Variants in PIAS3 observed in about 807,000 individuals in gnomAD.
PIAS3 encodes the protein protein inhibitor of activated STAT 3.
PIAS3 carries 34 observed loss-of-function variants against 67.6 expected under a neutral mutation model. The ratio of observed to expected loss-of-function variants is 0.50; its 90% CI spans 0.38 to 0.67. PIAS3 has a LOEUF of 0.67. Among genes scored for constraint, PIAS3 ranks in the 30% least tolerant of loss-of-function variants. The pLI is 0.00. For synonymous variants in PIAS3, 341 were observed against 313.8 expected (o/e 1.09, Z -0.92); for missense variants, 693 against 791.6 (o/e 0.88, Z 1.49).
chr1:145,856,548 G>C, intron 2 of PIAS3, 41 bp downstream of exon 2: 1 of 1,588,254 alleles, frequency 6.3e-7, no homozygotes. Context: ...TGGGGAACAG[G>C]TAGGGAGTCC....
Position 145,848,739 on chromosome 1 carries a change from G to C in PIAS3, c.*707C>G, listed in dbSNP as rs1215926231. The C allele has an allele frequency of 4.9e-6, 2 of 411,426 alleles. No homozygotes were observed. The highest frequency in any genetic ancestry group is 8.7e-6 in the Non-Finnish European group (2 of 230,116). The allele number at this position is 411,426 out of a possible 1,614,324, so 25.5% of individuals were successfully genotyped here. On this transcript the variant is annotated 3_prime_UTR_variant, in exon 14 of 14. Coordinates refer to ENST00000393045, the MANE Select transcript of PIAS3 (RefSeq NM_006099.3). ...AGCTTAGGGGGGAATAAGAAACACT[G>C]TGAACTTAGATATATAAATAGAGAG...
chr1:145,849,962 G>C (rs1240328777), intron 13 of PIAS3: 1 of 1,423,616 alleles, frequency 7.0e-7, no homozygotes, highest in Non-Finnish European at 9.1e-7. Context: ...GGAATGTCCG[G>C]TTAGAGCAGG....
chr1:145,853,441 G>C (rs587620090), intron 9 of PIAS3, 63 bp downstream of exon 9: 3 of 1,179,364 alleles, frequency 2.5e-6, no homozygotes, highest in East Asian at 5.0e-5. Context: ...AAAAGAAAAA[G>C]AAATAACCAA....
intron 11 of PIAS3, 74 bp from the exon 12 acceptor site, chr1:145,850,660 T>C: frequency 6.3e-7 from 1 of 1,598,324 alleles, no homozygotes; most frequent in Non-Finnish European, 8.5e-7. Context: ...CCAGGTTCCC[T>C]CTCTGTCCCC....
intron 12 of PIAS3, 61 bp downstream of exon 12, chr1:145,850,392 T>A: frequency 1.2e-6 from 2 of 1,611,470 alleles, no homozygotes; most frequent in Non-Finnish European, 8.5e-7. Context: ...GAACAGGGGT[T>A]CTGATGTAGC....
chr1:145,854,614 C>CT, intron 6 of PIAS3, 51 bp from the exon 7 acceptor site: 1 of 1,570,176 alleles, frequency 6.4e-7, no homozygotes, highest in South Asian at 1.1e-5. Context: ...CATACCACCA[C>CT]TGCCCACTTT....
In PIAS3 at chr1:145,850,441, C is replaced by A. The variant is rs1358380691; in HGVS notation, c.1582+12G>T. On this transcript the variant is annotated intron_variant, in intron 12 of 13. Transcript: ENST00000393045. ...TGGCAGTGCAGGGTCCATCTTATGA[C>A]CCATGTCATACCTTGGATGTCGGCT... is the stretch of plus-strand genomic sequence containing the variant. 6.2e-6 allele frequency: 10 copies of A among 1,613,958 alleles called. No homozygotes were observed. The highest frequency in any genetic ancestry group is 8.5e-6 in the Non-Finnish European group (10 of 1,179,984).
rs781784063 is a variant in PIAS3 at position 145,850,761 on chromosome 1, T to G, written c.1448+10A>C. Reference sequence around the variant, plus strand: ...CCGTTTTGCTGTAGACTCAGCCTATTTTCTCATACCCTTTGCTTCCAGGTA... The same window carrying G: ...CCGTTTTGCTGTAGACTCAGCCTATGTTCTCATACCCTTTGCTTCCAGGTA... On this transcript the variant is annotated intron_variant, in intron 11 of 13. Transcript: ENST00000393045. The G allele has an allele frequency of 6.2e-7, 1 of 1,613,900 alleles. No homozygotes were observed.
In PIAS3 at chr1:145,849,529, C is replaced by T. The variant is rs199636985; in HGVS notation, c.1804G>A (p.Ala602Thr). The change falls in exon 14 of 14, where the codon GCC (alanine) becomes ACC (threonine). Residue 602 changes from alanine to threonine, a missense_variant. By Grantham distance (58) the Ala-to-Thr change is moderately conservative. Coordinates refer to ENST00000393045, the MANE Select transcript of PIAS3 (RefSeq NM_006099.3). ...GGTCCTCCATGCCCCTCCCTCAAGG[C>T]CCCCCCAGGGGCCACAATGCTGCTG... is the stretch of plus-strand genomic sequence containing the variant. ...RVSSIVAPGG[A>T]LREGHGGPLP... is the part of the protein sequence containing the mutation. The T allele has an allele frequency of 2.5e-6, 4 of 1,578,556 alleles. No individual in the cohort carries two copies. The highest frequency in any genetic ancestry group is 2.3e-5 in the East Asian group (1 of 43,690).
chr1:145,850,002 G>A, intron 13 of PIAS3: 3 of 1,436,582 alleles, frequency 2.1e-6, no homozygotes, highest in Non-Finnish European at 2.7e-6. Flanking sequence ...ACGGGGGTAG[G>A]GGTGAGTAGG....
rs1188175262 is a variant in PIAS3, at chr1:145,854,943, C to G, written c.670-63G>C. On this transcript the variant is annotated intron_variant, in intron 5 of 13. Coordinates refer to ENST00000393045, the MANE Select transcript of PIAS3 (RefSeq NM_006099.3). Reference sequence around the variant, plus strand: ...CTGGGAAGGGGCTCTGCTCTTTGAACAAAAGATATCTTGTCTCGGGTTATT... The same window carrying G: ...CTGGGAAGGGGCTCTGCTCTTTGAAGAAAAGATATCTTGTCTCGGGTTATT... 2.5e-6 allele frequency: 4 copies of G among 1,579,728 alleles called. No individual in the cohort carries two copies. In the African/African-American group the frequency reaches 5.4e-5, roughly 21 times the overall value.
chr1:145,857,155 T>C (rs1653224857), intron 1 of PIAS3, 149 bp from the exon 2 acceptor site: 1 of 710,880 alleles, frequency 1.4e-6, no homozygotes. Context: ...TACTGCCAGG[T>C]AGTCGACCTA....
intron 9 of PIAS3, 53 bp downstream of exon 9, chr1:145,853,451 A>T: frequency 7.6e-7 from 1 of 1,311,024 alleles, no homozygotes; most frequent in Non-Finnish European, 1.1e-6. Flanking sequence ...GAAATAACCA[A>T]GAAAAGAGGT....
chr1:145,853,714 C>A, intron 8 of PIAS3, 50 bp from the exon 9 acceptor site: 2 of 1,609,750 alleles, frequency 1.2e-6, no homozygotes, highest in Non-Finnish European at 1.7e-6. Flanking sequence ...GATTTCATCC[C>A]AGAAAACTTC....
rs782683413 is a variant in PIAS3 at position 145,850,480 on chromosome 1, C to A, written c.1555G>T (p.Ala519Ser). Residue 519 changes from alanine (A) to serine (S), a missense_variant, in exon 12 of 14, where the codon GCC becomes TCC. By Grantham distance (99) the Ala-to-Ser change is moderately conservative (BLOSUM62 1). Around this residue, in one of 3 missense-constraint regions of PIAS3, gnomAD observed 270 missense variants for 261.0 expected, o/e 1.03. Transcript: ENST00000393045. ...SSLPLHEYPP[A>S]FPLGADIQGL... ...TGGATGTCGGCTCCCAGTGGGAAGG[C>A]AGGTGGGTACTCATGTAGTGGGAGA... The A allele has an allele frequency of 6.7e-5, 108 of 1,614,054 alleles. No individual in the cohort carries two copies. Among genetic ancestry groups the A allele is most frequent in the Non-Finnish European group, 8.7e-5 (103 of 1,180,024 alleles).
intron 7 of PIAS3, 153 bp from the exon 8 acceptor site, chr1:145,854,039 T>C (rs2101682242): frequency 1.6e-6 from 1 of 634,878 alleles, no homozygotes; most frequent in Non-Finnish European, 2.8e-6. Flanking sequence ...TGGTCTGGGA[T>C]ATGGATGATG....
chr1:145,848,645 G>A lies in PIAS3; in HGVS notation c.*801C>T. On this transcript the variant is annotated 3_prime_UTR_variant, in exon 14 of 14. Transcript: ENST00000393045. ...AAAGAAGATTGGGAAGGAGGGCACA[G>A]GGTCCTTCCACCTCCCTGGAAAGGT... The A allele has an allele frequency of 5.0e-6, 3 of 605,734 alleles. No individual in the cohort carries two copies. 37.5% of individuals were successfully genotyped at this position (605,734 alleles called of 1,614,324 possible). A position where few individuals can be genotyped will look rare whatever the true frequency, so the allele number is the denominator to read the frequency against.
chr1:145,851,593 T>C (rs1200647273), intron 9 of PIAS3, among the ~76,000 whole-genome samples: 1 of 145,946 alleles, frequency 6.9e-6, no homozygotes. Context: ...GAGGCAGAGG[T>C]TGCAGTGAGC....
rs782145897 is a variant in PIAS3, at chr1:145,855,745, G to A, written c.660C>T (p.Cys220=). The change falls in exon 5 of 14, where the codon TGC becomes TGT. Residue 220 remains cysteine (C), a synonymous_variant. Coordinates refer to ENST00000393045, the MANE Select transcript of PIAS3 (RefSeq NM_006099.3). ...NLFVKVNGKL[C]PLPGYLPPTK... ...AGGGGAGAGCATTTACCGGCAGGGGGCACAGTTTCCCATTGACCTTGACAA... is the reference window on the plus strand; with the variant it reads ...AGGGGAGAGCATTTACCGGCAGGGGACACAGTTTCCCATTGACCTTGACAA... 2.4e-5 allele frequency: 38 copies of A among 1,576,640 alleles called. No homozygotes were observed. Among genetic ancestry groups the A allele is most frequent in the South Asian group, 7.8e-5 (7 of 89,426 alleles).
Sources: allele counts gnomAD v4.1 joint callset (sites outside exome capture counted in the v4.1 genomes callset), GRCh38; gene constraint gnomAD v4.1.1; regional missense constraint gnomAD v4.1.1; transcripts MANE v1.5; gene names NCBI Gene and HGNC (gene_info 2026-07-23, HGNC 2026-07-21).